SPAG17: variants seen among roughly 807,000 people sequenced by gnomAD.
SPAG17 encodes the protein sperm-associated antigen 17.
Under a neutral mutation model 273.6 loss-of-function variants are expected in SPAG17, and 169 were observed. The observed-to-expected ratio is 0.62, with a 90% CI of 0.55 to 0.70. The LOEUF is 0.70. Among genes scored for constraint, SPAG17 ranks in the 30% least tolerant of loss-of-function variants. The pLI, the probability that SPAG17 is intolerant of heterozygous loss-of-function variation, is 0.00. For synonymous variants in SPAG17, 825 were observed against 873.2 expected (o/e 0.94, Z 0.97); for missense variants, 2,557 against 2,627.8 (o/e 0.97, Z 0.59).
intron 1 of SPAG17, among the ~76,000 whole-genome samples, chr1:118,152,490 C>A (rs1410740629): frequency 1.3e-5 from 2 of 152,110 alleles, no homozygotes; most frequent in African/African-American, 2.4e-5. Context: ...AGTATTAATT[C>A]TTTCTTACCA....
intron 3 of SPAG17, among the ~76,000 whole-genome samples, chr1:118,123,321 T>C (rs892659147): frequency 1.3e-5 from 2 of 151,896 alleles, no homozygotes; most frequent in Admixed American, 6.6e-5. Flanking sequence ...TGAGGCATAA[T>C]TGGAAAAACA....
At chr1:118,096,629 C>T (rs1191021455) in intron 7 of SPAG17, among the ~76,000 whole-genome samples, 6 of 152,116 alleles carry the variant, frequency 3.9e-5, no homozygotes, top group Non-Finnish European at 7.4e-5. Context: ...ACAACATCTT[C>T]GATAAGTAGT....
chr1:117,984,778 C>T lies in SPAG17; in HGVS notation c.5674G>A (p.Glu1892Lys), dbSNP rs1201454411. Reference protein sequence around the residue: ...WKEKIDKTRKEIETTQNYLMD... With the variant: ...WKEKIDKTRKKIETTQNYLMD... ...AGGTAATTCTGTGTTGTCTCAATTT[C>T]CTTCCTGGTTGATGTTTCCATGATG... The change falls in exon 41 of 49, where the codon GAA (glutamate) becomes AAA (lysine). Residue 1892 changes from glutamate (E) to lysine (K), a missense_variant. By Grantham distance (56) the Glu-to-Lys change is moderately conservative (BLOSUM62 1). Transcript: ENST00000336338. 14 of 1,592,114 alleles carry T rather than the reference C, an allele frequency of 8.8e-6. No individual in the cohort carries two copies. The highest frequency in any genetic ancestry group is 1.2e-5 in the Non-Finnish European group (14 of 1,161,550).
At chr1:118,104,854 C>T (rs975009361) in intron 4 of SPAG17, among the ~76,000 whole-genome samples, 6 of 152,084 alleles carry the variant, frequency 3.9e-5, no homozygotes, top group Non-Finnish European at 7.4e-5. Flanking sequence ...GGTTGTGAAG[C>T]AGAACCAGAG....
chr1:118,069,344 C>CAAAAGAAAAAAAAAAAA (rs1553244359), intron 17 of SPAG17, among the ~76,000 whole-genome samples: 1 of 86,182 alleles, frequency 1.2e-5, no homozygotes, highest in Non-Finnish European at 2.2e-5. Flanking sequence ...GACTCCGTCT[C>CAAAAGAAAAAAAAAAAA]AAAAAAAAAA....
intron 1 of SPAG17, among the ~76,000 whole-genome samples, chr1:118,169,597 C>T (rs751118697): frequency 1.1e-4 from 17 of 152,138 alleles, no homozygotes; most frequent in Non-Finnish European, 2.1e-4. Flanking sequence ...CAATAAAATG[C>T]ATTTTCCTTT....
intron 44 of SPAG17, among the ~76,000 whole-genome samples, chr1:117,972,734 C>A (rs891432659): frequency 1.3e-5 from 2 of 151,430 alleles, no homozygotes; most frequent in Admixed American, 6.6e-5. Context: ...ATGTATATTA[C>A]AATAAATTTT....
chr1:118,004,559 T>G (rs2101731722), intron 32 of SPAG17, among the ~76,000 whole-genome samples: 1 of 152,354 alleles, frequency 6.6e-6, no homozygotes, highest in East Asian at 1.9e-4. Context: ...GCCTCACAGT[T>G]TGATCTCAGG....
intron 29 of SPAG17, among the ~76,000 whole-genome samples, chr1:118,014,972 A>C (rs1369021085): frequency 6.6e-6 from 1 of 152,206 alleles, no homozygotes; most frequent in Non-Finnish European, 1.5e-5. Context: ...AATGTGTATA[A>C]AAGTCCCCAA....
At chr1:118,008,223 G>A in intron 30 of SPAG17, 25 bp from the exon 31 acceptor site, 1 of 1,611,944 alleles carries the variant, frequency 6.2e-7, no homozygotes, top group Non-Finnish European at 8.5e-7. Context: ...AAGGTAAGCA[G>A]ATCTGATAGG....
chr1:118,124,987 A>G (rs904166329), intron 3 of SPAG17, among the ~76,000 whole-genome samples: 1 of 152,062 alleles, frequency 6.6e-6, no homozygotes, highest in Non-Finnish European at 1.5e-5. Flanking sequence ...TCCCCATCTT[A>G]GCTGCAAGAG....
intron 20 of SPAG17, among the ~76,000 whole-genome samples, chr1:118,043,173 C>T (rs1649967986): frequency 6.6e-6 from 1 of 152,070 alleles, no homozygotes. Flanking sequence ...TCAAAAATGG[C>T]AAAGTGAGTT....
intron 28 of SPAG17, among the ~76,000 whole-genome samples, chr1:118,021,354 A>C (rs1308684493): frequency 6.6e-6 from 1 of 152,120 alleles, no homozygotes; most frequent in African/African-American, 2.4e-5. Context: ...AAAAGGTAAA[A>C]CTATACAGAC....
At chr1:118,045,056 A>C (rs1650194628) in intron 20 of SPAG17, among the ~76,000 whole-genome samples, 1 of 152,222 alleles carries the variant, frequency 6.6e-6, no homozygotes, top group African/African-American at 2.4e-5. Context: ...TAAGGGCAAA[A>C]TAAAGTCATT....
intron 29 of SPAG17, among the ~76,000 whole-genome samples, chr1:118,015,655 A>G (rs1231568689): frequency 6.6e-6 from 1 of 152,134 alleles, no homozygotes; most frequent in African/African-American, 2.4e-5. Context: ...TTAATCACAT[A>G]TATCTTAAAA....
Position 118,101,754 on chromosome 1 carries a change from G to A in SPAG17, c.620C>T (p.Thr207Ile), listed in dbSNP as rs749404982. Residue 207 changes from threonine to isoleucine, a missense_variant, in exon 5 of 49, where the codon ACC (threonine) becomes ATC (isoleucine). By Grantham distance (89) the Thr-to-Ile change is moderately conservative. Coordinates refer to ENST00000336338, the MANE Select transcript of SPAG17 (RefSeq NM_206996.4). ...ACCTTACTGACCAATGTAACGATTG[G>A]TGTGGTCGTCTTCTCCTCTCCGCTT... ...QLKRRGEDDH[T>I]NRYIDDEPDD... 4 of 1,613,456 alleles carry A rather than the reference G, an allele frequency of 2.5e-6. No homozygotes were observed. The highest frequency in any genetic ancestry group is 2.2e-5 in the South Asian group (2 of 90,916).
intron 1 of SPAG17, among the ~76,000 whole-genome samples, chr1:118,152,799 T>C (rs550290112): frequency 6.6e-6 from 1 of 152,344 alleles, no homozygotes; most frequent in South Asian, 2.1e-4. Context: ...AGATATGATA[T>C]GTATAATGTG....
Position 118,093,250 on chromosome 1 carries a change from C to T in SPAG17, c.1079G>A (p.Arg360Lys). 1.9e-6 allele frequency: 3 copies of T among 1,613,654 alleles called. No individual in the cohort carries two copies. The highest frequency in any genetic ancestry group is 1.3e-5 in the African/African-American group (1 of 75,012). ...GCTTTCCAAATAGTGCTGGTGCTGC[C>T]TTTTCCAATCCAGGATGTCATACAT... ...CLMYDILDWK[R>K]QHQHYLESMQ... is the part of the protein sequence containing the mutation. The change falls in exon 8 of 49, where the codon AGG becomes AAG. Residue 360 changes from arginine (R) to lysine (K), a missense_variant. By Grantham distance (26) the Arg-to-Lys change is conservative (BLOSUM62 2). Transcript: ENST00000336338.
chr1:118,080,485 A>G (rs547086738), intron 15 of SPAG17, among the ~76,000 whole-genome samples: 1 of 152,308 alleles, frequency 6.6e-6, no homozygotes, highest in South Asian at 2.1e-4. Context: ...ACTACTGGAG[A>G]AGTAGGCCAA....
Sources: gnomAD v4.1 joint callset for allele counts (sites outside exome capture counted in the v4.1 genomes callset) on GRCh38, gnomAD v4.1.1 for gene constraint, MANE v1.5 for transcripts, NCBI Gene and HGNC (gene_info 2026-07-23, HGNC 2026-07-21) for gene names.